The following CMIP variants were observed in gnomAD, a reference collection of about 807,000 sequenced individuals.
The protein encoded by CMIP is C-Maf-inducing protein.
Under a neutral mutation model 97.3 loss-of-function variants are expected in CMIP, and 13 were observed. The observed-to-expected ratio is 0.13, with a 90% CI of 0.09 to 0.21. The LOEUF (loss-of-function observed/expected upper bound fraction) is 0.21. Among genes scored for constraint, CMIP ranks in the 10% least tolerant of loss-of-function variants. CMIP has a pLI of 1.00. For synonymous variants in CMIP, 538 were observed against 436.3 expected, an observed-to-expected ratio of 1.23 and a Z score of -2.91; for missense variants, 847 against 1,024.9, an observed-to-expected ratio of 0.83 and a Z score of 2.37.
chr16:81,650,542 A>G (rs2092415941), intron 3 of CMIP, among the ~76,000 whole-genome samples: 2 of 152,160 alleles, frequency 1.3e-5, no homozygotes, highest in African/African-American at 4.8e-5. Context: ...ACCAGTGGCA[A>G]TGAGTATATC....
rs141133807 is a variant in CMIP, at chr16:81,697,041, G to A, written c.1638+374G>A. On this transcript the variant is annotated intron_variant, in intron 14 of 20. Coordinates refer to ENST00000537098, the MANE Select transcript of CMIP (RefSeq NM_198390.3). ...TCCTACAAGAAATTGAGTGCCCAAC[G>A]GGACCAGGGATTCTGGAAGGCACTG... The A allele has an allele frequency of 4.4e-3, 1,054 of 239,644 alleles. 13 individuals are homozygous for A. Among genetic ancestry groups the A allele is most frequent in the African/African-American group, 0.019 (835 of 43,674 alleles). The allele number at this position is 239,644 out of a possible 1,614,324, so 14.8% of individuals were successfully genotyped here.
In CMIP at chr16:81,652,492, G is replaced by A. The variant is rs1038271384; in HGVS notation, c.639+128G>A. 1.1e-5 allele frequency: 9 copies of A among 822,432 alleles called. No homozygotes were observed. The highest frequency in any genetic ancestry group is 8.3e-5 in the Admixed American group (3 of 36,362). 50.9% of individuals were successfully genotyped at this position (822,432 alleles called of 1,614,324 possible). On this transcript the variant is annotated intron_variant, in intron 4 of 20. Transcript: ENST00000537098. The surrounding 1 kb of genome is among the most constrained non-coding windows in gnomAD (Gnocchi z 5.2). ...GTGTTGTTGCCCTGCTGCCGAAGGAGGTGAGCAGTTGCCCACCCAGCCGTG... is the reference window on the plus strand; with the variant it reads ...GTGTTGTTGCCCTGCTGCCGAAGGAAGTGAGCAGTTGCCCACCCAGCCGTG...
At chr16:81,646,785 G>A (rs547319165) in intron 3 of CMIP, among the ~76,000 whole-genome samples, 2 of 152,268 alleles carry the variant, frequency 1.3e-5, no homozygotes, top group South Asian at 2.1e-4. Flanking sequence ...AGTTGCATCC[G>A]TCTTGTAGCA....
chr16:81,644,488 G>T (rs183397246), intron 3 of CMIP, among the ~76,000 whole-genome samples: 1 of 152,278 alleles, frequency 6.6e-6, no homozygotes, highest in Non-Finnish European at 1.5e-5. Context: ...GGGCAGTTTG[G>T]GGGTAACACC....
chr16:81,544,251 G>A (rs1480636852), intron 1 of CMIP, among the ~76,000 whole-genome samples: 1 of 152,248 alleles, frequency 6.6e-6, no homozygotes, highest in Admixed American at 6.5e-5. Context: ...TGTGGGTGCT[G>A]GGCAGAGGGG....
chr16:81,610,482 C>A (rs9936936), intron 2 of CMIP: 1 of 985,330 alleles, frequency 1.0e-6, no homozygotes, highest in Non-Finnish European at 1.2e-6. Flanking sequence ...AGCCGGACTC[C>A]GAGCTAATGA....
At chr16:81,499,341 C>G (rs1430125961) in intron 1 of CMIP, among the ~76,000 whole-genome samples, 1 of 152,188 alleles carries the variant, frequency 6.6e-6, no homozygotes, top group African/African-American at 2.4e-5. Flanking sequence ...CACACACACA[C>G]CACTTGCACA....
chr16:81,510,944 T>C (rs2150790716), intron 1 of CMIP, among the ~76,000 whole-genome samples: 1 of 152,310 alleles, frequency 6.6e-6, no homozygotes, highest in South Asian at 2.1e-4. Flanking sequence ...GGTCTTGAAC[T>C]CCTGACCTCA....
At chr16:81,586,781 A>G (rs562640689) in intron 1 of CMIP, among the ~76,000 whole-genome samples, 6 of 151,944 alleles carry the variant, frequency 3.9e-5, no homozygotes, top group Admixed American at 3.3e-4. Context: ...TAGACATCTG[A>G]CTCCCCACTC....
intron 3 of CMIP, among the ~76,000 whole-genome samples, chr16:81,635,791 G>A (rs1567624360): frequency 2.0e-5 from 3 of 152,024 alleles, no homozygotes; most frequent in Non-Finnish European, 4.4e-5. Flanking sequence ...TTGGGGGAGG[G>A]GGGGACAGCT....
At chr16:81,542,333 A>C (rs2090464175) in intron 1 of CMIP, among the ~76,000 whole-genome samples, 1 of 152,188 alleles carries the variant, frequency 6.6e-6, no homozygotes, top group Non-Finnish European at 1.5e-5. Context: ...ACCAGTGCTT[A>C]GATCTGTTTG....
At chr16:81,575,016 C>T (rs918608315) in intron 1 of CMIP, among the ~76,000 whole-genome samples, 3 of 152,192 alleles carry the variant, frequency 2.0e-5, no homozygotes, top group African/African-American at 4.8e-5. Flanking sequence ...ACTCATTGCT[C>T]CCATTTAAGG....
Position 81,467,705 on chromosome 16 carries a change from C to T in CMIP, c.300+22164C>T, listed in dbSNP as rs535582549. The stretch of plus-strand genomic sequence containing the variant: ...AAGCGATTCTCTTGCCTCTACCTCT[C>T]GAGTAGCTGGGATTACAGGCATGTG... On this transcript the variant is annotated intron_variant, in intron 1 of 20. Coordinates refer to ENST00000537098, the MANE Select transcript of CMIP (RefSeq NM_198390.3). Among the ~76,000 whole-genome samples, 5 of 151,462 alleles carry T rather than the reference C, an allele frequency of 3.3e-5. No homozygotes were observed. In the East Asian group the frequency reaches 5.8e-4, roughly 18 times the overall value.
intron 1 of CMIP, among the ~76,000 whole-genome samples, chr16:81,591,299 C>T (rs138849828): frequency 5.2e-4 from 79 of 152,282 alleles, no homozygotes; most frequent in Admixed American, 1.6e-3. Context: ...AATCAAGTCA[C>T]ATTACTCTGG....
chr16:81,531,528 C>T (rs1463817260), intron 1 of CMIP, among the ~76,000 whole-genome samples: 2 of 152,218 alleles, frequency 1.3e-5, no homozygotes, highest in East Asian at 1.9e-4. Context: ...TCACACCAGG[C>T]CGTCTCTACC....
chr16:81,611,982 C>T (rs1186561313), intron 2 of CMIP, among the ~76,000 whole-genome samples: 2 of 152,210 alleles, frequency 1.3e-5, no homozygotes, highest in Non-Finnish European at 2.9e-5. Context: ...GTGTTTTCAG[C>T]GTGAGCTCCC....
chr16:81,569,161 C>T (rs893140843), intron 1 of CMIP, among the ~76,000 whole-genome samples: 3 of 152,156 alleles, frequency 2.0e-5, no homozygotes, highest in African/African-American at 4.8e-5. Context: ...TTGGGGTGAC[C>T]TCACCTGGTT....
chr16:81,551,176 AG>A (rs916028030), intron 1 of CMIP, among the ~76,000 whole-genome samples: 2 of 145,806 alleles, frequency 1.4e-5, no homozygotes, highest in Non-Finnish European at 3.0e-5. Context: ...CATATGTCCC[AG>A]TTCTATCACA....
At chr16:81,494,787 C>T (rs2089461320) in intron 1 of CMIP, among the ~76,000 whole-genome samples, 1 of 152,242 alleles carries the variant, frequency 6.6e-6, no homozygotes, top group South Asian at 2.1e-4. Context: ...TGTCCCCAAA[C>T]AACTCTGAAT....
Sources: gnomAD v4.1 joint callset for allele counts (sites outside exome capture counted in the v4.1 genomes callset) on GRCh38, gnomAD v4.1.1 for gene constraint, Gnocchi (gnomAD v3.1) non-coding constraint, MANE v1.5 for transcripts, NCBI Gene and HGNC (gene_info 2026-07-23, HGNC 2026-07-21) for gene names.